LRRC55: variants seen among roughly 807,000 people sequenced by gnomAD.
LRRC55 encodes the protein leucine rich repeat containing 55, also known as leucine-rich repeat-containing protein 55.
A neutral mutation model predicts 20.5 loss-of-function variants in LRRC55; 11 were observed. That is an observed-to-expected ratio of 0.54 (90% CI 0.34 to 0.89). LRRC55 has a LOEUF of 0.89. Ranked by LOEUF, LRRC55 falls within the 40% of genes least tolerant of loss-of-function variation. LRRC55 has a pLI of 0.02. For missense variants in LRRC55, 358 were observed against 390.9 expected, an observed-to-expected ratio of 0.92 and a Z score of 0.71; for synonymous variants, 188 against 166.6, an observed-to-expected ratio of 1.13 and a Z score of -0.99.
chr11:57,182,143 CT>C lies in LRRC55; in HGVS notation c.124del (p.Cys42AlafsTer60). ...HSDAGTSCPV[L>X]CTCRNQVVDC... is the part of the protein sequence containing the mutation. Reference sequence around the variant, plus strand: ...GGATGCCGGCACCAGCTGCCCCGTCCTTTGCACATGCCGTAACCAGGTGGTG... The same window carrying C: ...GGATGCCGGCACCAGCTGCCCCGTCCTTGCACATGCCGTAACCAGGTGGTG... On this transcript the variant is annotated frameshift_variant, in exon 1 of 2. Transcript: ENST00000497933. LOFTEE classifies it high-confidence loss of function. 1 of 1,614,214 alleles carries C rather than the reference CT, an allele frequency of 6.2e-7. No homozygotes were observed. The highest frequency in any genetic ancestry group is 1.1e-5 in the South Asian group (1 of 91,088).
In LRRC55 at chr11:57,187,578, C is replaced by T. The variant is rs1854450594; in HGVS notation, c.*98C>T. 3 of 1,183,510 alleles carry T rather than the reference C, an allele frequency of 2.5e-6. No individual in the cohort carries two copies. Among genetic ancestry groups the T allele is most frequent in the Middle Eastern group, 2.2e-4 (1 of 4,552 alleles). The allele number at this position is 1,183,510 out of a possible 1,614,324, so 73.3% of individuals were successfully genotyped here. A position where few individuals can be genotyped will look rare whatever the true frequency, so the allele number is the denominator to read the frequency against. ...TCACTCTGGTTCCATGGTGACCTGG[C>T]TGCCTCAGTCATGGTTCAAGCAAGG... On this transcript the variant is annotated 3_prime_UTR_variant, in exon 2 of 2. Coordinates refer to ENST00000497933, the MANE Select transcript of LRRC55 (RefSeq NM_001005210.4).
At chr11:57,186,770 T>G (rs1305629648) in intron 1 of LRRC55, among the ~76,000 whole-genome samples, 2 of 152,198 alleles carry the variant, frequency 1.3e-5, no homozygotes, top group Non-Finnish European at 2.9e-5. Flanking sequence ...GGGAGCACCT[T>G]GGTTTTTGCT....
In LRRC55 at chr11:57,182,038, G is replaced by A; in HGVS notation, c.16G>A (p.Ala6Thr). MGDTW[A>T]QLPWPGPPHP... ...GCTGCCTAAGATGGGTGACACTTGG[G>A]CCCAGCTTCCCTGGCCCGGGCCACC... Residue 6 changes from alanine to threonine, a missense_variant, in exon 1 of 2, where the codon GCC (alanine) becomes ACC (threonine). By Grantham distance (58) the Ala-to-Thr change is moderately conservative. Around this residue, in one of 3 missense-constraint regions of LRRC55, gnomAD observed 175 missense variants for 164.5 expected, o/e 1.06. Transcript: ENST00000497933. 1 of 1,614,174 alleles carries A rather than the reference G, an allele frequency of 6.2e-7. No homozygotes were observed. Among genetic ancestry groups the A allele is most frequent in the African/African-American group, 1.3e-5 (1 of 75,056 alleles).
At chr11:57,183,783 G>A (rs751344700) in intron 1 of LRRC55, among the ~76,000 whole-genome samples, 8 of 152,236 alleles carry the variant, frequency 5.3e-5, no homozygotes, top group Admixed American at 6.5e-5. Context: ...CCCAACTGGA[G>A]GGTGGACTGG....
At chr11:57,186,924 A>G (rs897757882) in intron 1 of LRRC55, among the ~76,000 whole-genome samples, 7 of 152,142 alleles carry the variant, frequency 4.6e-5, no homozygotes, top group Admixed American at 3.9e-4. Flanking sequence ...GAGGACAGAC[A>G]CCTTCTGAAG....
chr11:57,187,860 G>A lies in LRRC55; in HGVS notation c.*380G>A, dbSNP rs1372189682. The A allele has an allele frequency of 3.3e-6, 1 of 304,284 alleles. No homozygotes were observed. Among genetic ancestry groups the A allele is most frequent in the East Asian group, 1.0e-4 (1 of 9,724 alleles). The allele number at this position is 304,284 out of a possible 1,614,324, so 18.8% of individuals were successfully genotyped here. ...AAGATTAGAGTGATTTGTGAACTGG[G>A]TCATCAGGAAATATCTACTTTGTCA... On this transcript the variant is annotated 3_prime_UTR_variant, in exon 2 of 2. Transcript: ENST00000497933.
intron 1 of LRRC55, among the ~76,000 whole-genome samples, chr11:57,184,945 G>A (rs966885834): frequency 2.0e-5 from 3 of 152,266 alleles, no homozygotes; most frequent in Non-Finnish European, 4.4e-5. Flanking sequence ...TTCCAGAGGA[G>A]AGCTCACGCG....
At chr11:57,185,885 A>G (rs1354282723) in intron 1 of LRRC55, among the ~76,000 whole-genome samples, 1 of 152,086 alleles carries the variant, frequency 6.6e-6, no homozygotes, top group Non-Finnish European at 1.5e-5. Flanking sequence ...TAACCCCACC[A>G]GAAAAAGCAG....
At chr11:57,184,886 G>T (rs1854409931) in intron 1 of LRRC55, among the ~76,000 whole-genome samples, 1 of 152,126 alleles carries the variant, frequency 6.6e-6, no homozygotes, top group African/African-American at 2.4e-5. Flanking sequence ...TGTCTCACCA[G>T]TACCCACTTC....
chr11:57,185,889 A>G (rs1209667907), intron 1 of LRRC55, among the ~76,000 whole-genome samples: 1 of 152,138 alleles, frequency 6.6e-6, no homozygotes. Context: ...CCCACCAGAA[A>G]AAGCAGCCCC....
Position 57,182,602 on chromosome 11 carries a change from G to T in LRRC55, c.580G>T (p.Gly194Cys). The T allele has an allele frequency of 6.5e-7, 1 of 1,528,458 alleles. No homozygotes were observed. The highest frequency in any genetic ancestry group is 8.8e-7 in the Non-Finnish European group (1 of 1,139,432). 94.7% of individuals were successfully genotyped at this position (1,528,458 alleles called of 1,614,324 possible). ...ACCGGGGCTGGTGACCCTGCAGATC[G>T]GTGGCAATCCCTGGGTGTGTGGCTG... ...GLPGLVTLQI[G>C]GNPWVCGCTM... The change falls in exon 1 of 2, where the codon GGT becomes TGT. Residue 194 changes from glycine (G) to cysteine (C), a missense_variant. By Grantham distance (159) the Gly-to-Cys change is radical. This residue lies in a region of LRRC55 where 178 missense variants were observed against 207.9 expected (regional missense o/e 0.86). Coordinates refer to ENST00000497933, the MANE Select transcript of LRRC55 (RefSeq NM_001005210.4).
chr11:57,182,799 T>C (rs1854380628), intron 1 of LRRC55, 116 bp downstream of exon 1: 2 of 1,105,378 alleles, frequency 1.8e-6, no homozygotes, highest in Non-Finnish European at 2.4e-6. Context: ...CATTTTCTAA[T>C]GTGGGCTTGC....
rs1015684395 is a variant in LRRC55, at chr11:57,190,621, C to T, written c.*3141C>T. 2 of 152,194 alleles carry T rather than the reference C, an allele frequency of 1.3e-5. No individual in the cohort carries two copies. Among genetic ancestry groups the T allele is most frequent in the Non-Finnish European group, 2.9e-5 (2 of 68,038 alleles). 9.4% of individuals were successfully genotyped at this position (152,194 alleles called of 1,614,324 possible). ...GTCTGCGAGGTTCCTTGTATATTGGCTGTCCGCTGACTTGGGACAGATCTC... is the reference window on the plus strand; with the variant it reads ...GTCTGCGAGGTTCCTTGTATATTGGTTGTCCGCTGACTTGGGACAGATCTC... On this transcript the variant is annotated 3_prime_UTR_variant, in exon 2 of 2. Coordinates refer to ENST00000497933, the MANE Select transcript of LRRC55 (RefSeq NM_001005210.4).
chr11:57,184,985 G>C (rs1854411457), intron 1 of LRRC55, among the ~76,000 whole-genome samples: 1 of 152,212 alleles, frequency 6.6e-6, no homozygotes, highest in African/African-American at 2.4e-5. Context: ...CCTGGCCTGG[G>C]CAGGACGGGG....
chr11:57,185,270 C>CT lies in LRRC55; in HGVS notation c.662-1947dup, dbSNP rs58800728. ...TTATCCCCTTCTTTTCTTTTCTTTT[C>CT]TTTTTTTTTTTTTTTTTTTTTTTTT... On this transcript the variant is annotated intron_variant, in intron 1 of 1. Transcript: ENST00000497933. 5.7e-3 allele frequency among the ~76,000 whole-genome samples: 508 copies of CT among 89,210 alleles called. 24 individuals carry two copies. Among genetic ancestry groups the CT allele is most frequent in the African/African-American group, 7.2e-3 (138 of 19,222 alleles). The allele number at this position is 89,210 out of a possible 152,430, so 58.5% of individuals were successfully genotyped here. A position where few individuals can be genotyped will look rare whatever the true frequency, so the allele number is the denominator to read the frequency against.
chr11:57,191,265 G>A lies in LRRC55; in HGVS notation c.*3785G>A, dbSNP rs576042955. The A allele has an allele frequency of 6.6e-6, 1 of 152,294 alleles. No individual in the cohort carries two copies. The highest frequency in any genetic ancestry group is 1.9e-4 in the East Asian group (1 of 5,186). The allele number at this position is 152,294 out of a possible 1,614,324, so 9.4% of individuals were successfully genotyped here. A position where few individuals can be genotyped will look rare whatever the true frequency, so the allele number is the denominator to read the frequency against. On this transcript the variant is annotated 3_prime_UTR_variant, in exon 2 of 2. Transcript: ENST00000497933. ...TATGAAATTTGAACAGATCAAGACAGGTGTTTGTCTTCAACCATGGGGGAA... is the reference window on the plus strand; with the variant it reads ...TATGAAATTTGAACAGATCAAGACAAGTGTTTGTCTTCAACCATGGGGGAA...
chr11:57,186,058 C>T (rs981149877), intron 1 of LRRC55, among the ~76,000 whole-genome samples: 5 of 151,846 alleles, frequency 3.3e-5, no homozygotes, highest in African/African-American at 1.2e-4. Context: ...TCACTGAATC[C>T]TCACTACAAC....
rs1854369407 is a variant in LRRC55, at chr11:57,182,337, C to T, written c.315C>T (p.Pro105=). 6.2e-7 allele frequency: 1 copy of T among 1,613,896 alleles called. No individual in the cohort carries two copies. Among genetic ancestry groups the T allele is most frequent in the Non-Finnish European group, 8.5e-7 (1 of 1,179,924 alleles). ...ACAACAACTCCTTAATGGAGCTGCC[C>T]CGGGGCCTCTTCCTCCATGCCAAGC... ...DLHNNSLMEL[P]RGLFLHAKRL... The change falls in exon 1 of 2, where the codon CCC becomes CCT. Residue 105 remains proline, a synonymous_variant. Coordinates refer to ENST00000497933, the MANE Select transcript of LRRC55 (RefSeq NM_001005210.4).
At position 57,182,081 on chromosome 11, in the gene LRRC55, T is replaced by C; in HGVS notation, c.59T>C (p.Leu20Pro). The change falls in exon 1 of 2, where the codon CTG (leucine) becomes CCG (proline). Residue 20 changes from leucine to proline, a missense_variant. This residue lies in a region of LRRC55 where 175 missense variants were observed against 164.5 expected (regional missense o/e 1.06). Transcript: ENST00000497933. ...WPGPPHPAML[L>P]ISLLLAAGLM... ...GGGCCACCCCACCCAGCAATGCTGC[T>C]GATCTCCCTCCTCTTGGCAGCCGGG... The C allele has an allele frequency of 6.2e-7, 1 of 1,614,216 alleles. No individual in the cohort carries two copies. Among genetic ancestry groups the C allele is most frequent in the Non-Finnish European group, 8.5e-7 (1 of 1,180,036 alleles).
Sources: gnomAD v4.1 joint callset for allele counts (sites outside exome capture counted in the v4.1 genomes callset) on GRCh38, gnomAD v4.1.1 for gene constraint, gnomAD v4.1.1 regional missense constraint, MANE v1.5 for transcripts, NCBI Gene and HGNC (gene_info 2026-07-23, HGNC 2026-07-21) for gene names.